The following GUCY1A1 variants were observed in gnomAD, a reference collection of about 807,000 sequenced individuals.
The protein encoded by GUCY1A1 is guanylate cyclase soluble subunit alpha-1.
GUCY1A1 carries 48 observed loss-of-function variants against 64.5 expected under a neutral mutation model. The observed-to-expected ratio is 0.74, with a 90% CI of 0.59 to 0.95. GUCY1A1 has a LOEUF of 0.95. GUCY1A1 is among the 40% of genes least tolerant of loss of function. GUCY1A1 has a pLI of 0.00. For missense variants in GUCY1A1, 804 were observed against 825.3 expected, an observed-to-expected ratio of 0.97 and a Z score of 0.32; for synonymous variants, 308 against 303.4, an observed-to-expected ratio of 1.02 and a Z score of -0.16.
intron 6 of GUCY1A1, among the ~76,000 whole-genome samples, chr4:155,712,534 C>T (rs977238885): frequency 1.3e-5 from 2 of 152,070 alleles, no homozygotes; most frequent in Non-Finnish European, 2.9e-5. Flanking sequence ...ACTTGAAGCC[C>T]CATCTCTCTC....
intron 4 of GUCY1A1, among the ~76,000 whole-genome samples, chr4:155,705,050 ATTTTTGTTTTGG>A (rs773879996): frequency 6.6e-6 from 1 of 151,850 alleles, no homozygotes; most frequent in Admixed American, 6.6e-5. Context: ...TGCTCACCTA[ATTTTTGTTTTGG>A]TTTTTGTTTT....
intron 5 of GUCY1A1, 50 bp from the exon 6 acceptor site, chr4:155,710,492 T>C: frequency 9.3e-7 from 1 of 1,075,532 alleles, no homozygotes; most frequent in South Asian, 1.5e-5. Context: ...GGCACAGCTT[T>C]ACCAAGGTGG....
intron 2 of GUCY1A1, among the ~76,000 whole-genome samples, chr4:155,669,919 C>A (rs1733897736): frequency 1.3e-5 from 2 of 152,054 alleles, no homozygotes; most frequent in Admixed American, 6.6e-5. Context: ...ACGATCTGCA[C>A]CCCCATAATT....
In GUCY1A1 at chr4:155,732,469, G is replaced by A. The variant is rs1435628164; in HGVS notation, c.*2238G>A. 6.5e-6 allele frequency: 1 copy of A among 153,406 alleles called. No individual in the cohort carries two copies. Among genetic ancestry groups the A allele is most frequent in the Non-Finnish European group, 1.5e-5 (1 of 67,892 alleles). The allele number at this position is 153,406 out of a possible 1,614,324, so 9.5% of individuals were successfully genotyped here. On this transcript the variant is annotated 3_prime_UTR_variant, in exon 10 of 10. Coordinates refer to ENST00000506455, the MANE Select transcript of GUCY1A1 (RefSeq NM_001130682.3). ...GATGAACATACATTTCCATGACAGA[G>A]TCCATACGAAATTCACAATTTAGAT...
chr4:155,669,655 T>C (rs1733853264), intron 2 of GUCY1A1, among the ~76,000 whole-genome samples: 1 of 152,110 alleles, frequency 6.6e-6, no homozygotes, highest in South Asian at 2.1e-4. Flanking sequence ...AAAATTAAAG[T>C]ATATCTATTA....
intron 7 of GUCY1A1, among the ~76,000 whole-genome samples, chr4:155,716,114 T>C (rs11100008): frequency 0.05 from 7,554 of 151,964 alleles, 630 homozygotes; most frequent in African/African-American, 0.17. Context: ...TAAAGGATAA[T>C]GGAAGGCAGT....
chr4:155,690,952 C>T (rs539764487), intron 2 of GUCY1A1, among the ~76,000 whole-genome samples: 17 of 152,146 alleles, frequency 1.1e-4, no homozygotes, highest in South Asian at 2.1e-4. Context: ...TGCATGAATG[C>T]GTGAATGATG....
At chr4:155,706,741 A>C (rs570553897) in intron 4 of GUCY1A1, among the ~76,000 whole-genome samples, 1 of 152,124 alleles carries the variant, frequency 6.6e-6, no homozygotes, top group South Asian at 2.1e-4. Context: ...GTATTTTTTG[A>C]AGGTGAGGGT....
Position 155,730,050 on chromosome 4 carries a change from G to A in GUCY1A1, c.1892G>A (p.Gly631Asp). ...TTYRLLKDCPGFVFTPRSREE... is the reference protein window; with the variant it reads ...TTYRLLKDCPDFVFTPRSREE... ...TTCAGATTACTCAAAGACTGTCCTG[G>A]TTTCGTGTTTACCCCTCGATCAAGG... Residue 631 changes from glycine (G) to aspartate (D), a missense_variant, in exon 10 of 10, where the codon GGT (glycine) becomes GAT (aspartate). Physicochemically the swap from Gly to Asp is moderately conservative, Grantham distance 94. Coordinates refer to ENST00000506455, the MANE Select transcript of GUCY1A1 (RefSeq NM_001130682.3). 1 of 1,605,040 alleles carries A rather than the reference G, an allele frequency of 6.2e-7. No homozygotes were observed. Among genetic ancestry groups the A allele is most frequent in the South Asian group, 1.1e-5 (1 of 90,874 alleles).
In GUCY1A1 at chr4:155,696,752, A is replaced by G. The variant is rs1316148141; in HGVS notation, c.-112-4A>G. On this transcript the variant is annotated splice_region_variant and splice_polypyrimidine_tract_variant and intron_variant, in intron 2 of 9. Transcript: ENST00000506455. ...TTTCTGTTCTGACTTTTTGCTGTCC[A>G]TAGACATCCCAGTTACCAGTGTCCT... The G allele has an allele frequency of 1.1e-6, 1 of 927,466 alleles. No homozygotes were observed. Among genetic ancestry groups the G allele is most frequent in the South Asian group, 1.7e-5 (1 of 60,356 alleles). 57.5% of individuals were successfully genotyped at this position (927,466 alleles called of 1,614,324 possible). A position where few individuals can be genotyped will look rare whatever the true frequency, so the allele number is the denominator to read the frequency against.
chr4:155,713,089 C>T lies in GUCY1A1; in HGVS notation c.1087-9C>T. 1 of 1,591,018 alleles carries T rather than the reference C, an allele frequency of 6.3e-7. No individual in the cohort carries two copies. Among genetic ancestry groups the T allele is most frequent in the Non-Finnish European group, 8.6e-7 (1 of 1,167,946 alleles). On this transcript the variant is annotated splice_polypyrimidine_tract_variant and intron_variant, in intron 6 of 9. Transcript: ENST00000506455. ...AATAAACCACAATTGGTTATCCTTTCCTTCATAGGTTATGGACCTCAAAGG... is the reference window on the plus strand; with the variant it reads ...AATAAACCACAATTGGTTATCCTTTTCTTCATAGGTTATGGACCTCAAAGG...
intron 2 of GUCY1A1, among the ~76,000 whole-genome samples, chr4:155,687,724 G>T (rs1004111917): frequency 7.9e-5 from 12 of 152,050 alleles, no homozygotes; most frequent in African/African-American, 2.9e-4. Context: ...CACTAATGTC[G>T]CAGAGTTAGC....
rs778435981 is a variant in GUCY1A1, at chr4:155,711,194, T to C, written c.1029T>C (p.Asn343=). The C allele has an allele frequency of 1.9e-6, 3 of 1,613,620 alleles. No individual in the cohort carries two copies. Among genetic ancestry groups the C allele is most frequent in the South Asian group, 2.2e-5 (2 of 91,076 alleles). ...QTFSGIMTML[N]MQFVVRVRRW... The stretch of plus-strand genomic sequence containing the variant: ...TTAGCGGGATCATGACTATGTTGAA[T>C]ATGCAGTTTGTTGTACGAGTGAGGA... Residue 343 remains asparagine (N), a synonymous_variant, in exon 6 of 10, where the codon AAT becomes AAC. Transcript: ENST00000506455.
At chr4:155,679,189 T>G (rs1031525206) in intron 2 of GUCY1A1, among the ~76,000 whole-genome samples, 1 of 152,176 alleles carries the variant, frequency 6.6e-6, no homozygotes, top group African/African-American at 2.4e-5. Flanking sequence ...ATTTCATGTT[T>G]TTTTTTTCAA....
intron 9 of GUCY1A1, among the ~76,000 whole-genome samples, chr4:155,723,366 G>A (rs1405899230): frequency 6.6e-6 from 1 of 152,030 alleles, no homozygotes; most frequent in Non-Finnish European, 1.5e-5. Flanking sequence ...TTTCACTGTC[G>A]CCTTGACAAC....
chr4:155,727,935 T>C (rs1295112592), intron 9 of GUCY1A1, among the ~76,000 whole-genome samples: 12 of 151,858 alleles, frequency 7.9e-5, no homozygotes, highest in Non-Finnish European at 4.4e-5. Context: ...TACAGATGCA[T>C]GTTCAGCAGC....
At chr4:155,710,053 T>C (rs1461629935) in intron 5 of GUCY1A1, among the ~76,000 whole-genome samples, 1 of 152,148 alleles carries the variant, frequency 6.6e-6, no homozygotes, top group Non-Finnish European at 1.5e-5. Flanking sequence ...TGCGATTTGA[T>C]TCAGGAAAAA....
At chr4:155,688,255 A>C (rs1036849702) in intron 2 of GUCY1A1, among the ~76,000 whole-genome samples, 2 of 151,528 alleles carry the variant, frequency 1.3e-5, no homozygotes, top group South Asian at 2.1e-4. Context: ...AAAAAAAAAA[A>C]CTCATCATTA....
chr4:155,704,139 A>G (rs112554296), intron 4 of GUCY1A1, 146 bp downstream of exon 4: 2 of 515,096 alleles, frequency 3.9e-6, no homozygotes, highest in African/African-American at 1.9e-5. Flanking sequence ...GCTGATACTA[A>G]TTTCAAAGTA....
Sources: allele counts gnomAD v4.1 joint callset (sites outside exome capture counted in the v4.1 genomes callset), GRCh38; gene constraint gnomAD v4.1.1; transcripts MANE v1.5; gene names NCBI Gene and HGNC (gene_info 2026-07-23, HGNC 2026-07-21).